Variants in ZNF337 observed in about 807,000 individuals in gnomAD.
The protein encoded by ZNF337 is zinc finger protein 337.
Under a neutral mutation model 12.1 loss-of-function variants are expected in ZNF337, and 8 were observed. The observed-to-expected ratio is 0.66, with a 90% CI of 0.39 to 1.19. ZNF337 has a LOEUF of 1.19. Among genes scored for constraint, ZNF337 ranks in the 50% most tolerant of loss-of-function variants. ZNF337 has a pLI of 0.01. For missense variants in ZNF337, 882 were observed against 896.6 expected, an observed-to-expected ratio of 0.98 and a Z score of 0.21; for synonymous variants, 336 against 320.0, an observed-to-expected ratio of 1.05 and a Z score of -0.53.
intron 1 of ZNF337, among the ~76,000 whole-genome samples, chr20:25,693,246 T>G (rs1015822445): frequency 6.6e-6 from 1 of 152,086 alleles, no homozygotes; most frequent in Non-Finnish European, 1.5e-5. Context: ...CTGGCTAATT[T>G]CTGTATTTTT....
chr20:25,684,348 T>TATA (rs1367506435), intron 4 of ZNF337, among the ~76,000 whole-genome samples: 1 of 151,322 alleles, frequency 6.6e-6, no homozygotes, highest in African/African-American at 2.4e-5. Flanking sequence ...AAACTTAAAG[T>TATA]ATAATAATAA....
intron 1 of ZNF337, among the ~76,000 whole-genome samples, chr20:25,691,366 A>G (rs1045527062): frequency 1.3e-5 from 2 of 152,224 alleles, no homozygotes; most frequent in South Asian, 4.1e-4. Context: ...ATGCTGATAG[A>G]TTACTGAAGA....
At position 25,675,179 on chromosome 20, in the gene ZNF337, A is replaced by C. The variant is rs751672035; in HGVS notation, c.2109T>G (p.His703Gln). The C allele has an allele frequency of 1.8e-5, 29 of 1,614,214 alleles. No individual in the cohort carries two copies. Among genetic ancestry groups the C allele is most frequent in the Non-Finnish European group, 2.5e-5 (29 of 1,180,042 alleles). ...GYTSKSDLTV[H>Q]ERIHTGERPY... is the part of the protein sequence containing the mutation. Reference sequence around the variant, plus strand: ...GCCTCTCTCCTGTGTGTATTCTTTCATGCACAGTGAGGTCTGACTTACTGG... The same window carrying C: ...GCCTCTCTCCTGTGTGTATTCTTTCCTGCACAGTGAGGTCTGACTTACTGG... Residue 703 changes from histidine to glutamine, a missense_variant, in exon 5 of 5, where the codon CAT (histidine) becomes CAG (glutamine). Coordinates refer to ENST00000252979, the MANE Select transcript of ZNF337 (RefSeq NM_015655.4).
chr20:25,687,784 T>G (rs978702904), intron 1 of ZNF337, among the ~76,000 whole-genome samples: 11 of 152,254 alleles, frequency 7.2e-5, no homozygotes, highest in Non-Finnish European at 1.5e-4. Context: ...GAGTGTGAGA[T>G]GAATGCATAA....
At position 25,676,263 on chromosome 20, in the gene ZNF337, T is replaced by C; in HGVS notation, c.1025A>G (p.His342Arg). 6.2e-7 allele frequency: 1 copy of C among 1,614,006 alleles called. No individual in the cohort carries two copies. Among genetic ancestry groups the C allele is most frequent in the Non-Finnish European group, 8.5e-7 (1 of 1,180,006 alleles). Residue 342 changes from histidine to arginine, a missense_variant, in exon 5 of 5, where the codon CAC becomes CGC. His to Arg is a conservative substitution (Grantham distance 29). Coordinates refer to ENST00000252979, the MANE Select transcript of ZNF337 (RefSeq NM_015655.4). ...GCATCTGTAAGGCTTCTCTCCTGAG[T>C]GTATTCTCTTGTGCACAACGAAGTA... is the stretch of plus-strand genomic sequence containing the variant. ...KSYFVVHKRIHSGEKPYRCQE... is the reference protein window; with the variant it reads ...KSYFVVHKRIRSGEKPYRCQE...
At chr20:25,678,319 A>G (rs2065729847) in intron 4 of ZNF337, among the ~76,000 whole-genome samples, 1 of 152,178 alleles carries the variant, frequency 6.6e-6, no homozygotes, top group South Asian at 2.1e-4. Flanking sequence ...TGAATAAACA[A>G]CCCCAAATTA....
At chr20:25,687,421 G>C (rs2065844355) in intron 1 of ZNF337, among the ~76,000 whole-genome samples, 1 of 152,132 alleles carries the variant, frequency 6.6e-6, no homozygotes, top group Non-Finnish European at 1.5e-5. Flanking sequence ...ACTTTTAAGT[G>C]AATGTTTTGA....
intron 1 of ZNF337, among the ~76,000 whole-genome samples, chr20:25,687,125 T>C (rs529220271): frequency 1.3e-5 from 2 of 152,376 alleles, no homozygotes; most frequent in East Asian, 1.9e-4. Context: ...TTTGTTGTTA[T>C]AAAAGTATTT....
chr20:25,682,976 A>G (rs942025177), intron 4 of ZNF337, among the ~76,000 whole-genome samples: 2 of 152,232 alleles, frequency 1.3e-5, no homozygotes, highest in African/African-American at 4.8e-5. Context: ...CTGTCCACAC[A>G]TTCTCCAAAT....
At chr20:25,683,186 C>T (rs1196182309) in intron 4 of ZNF337, among the ~76,000 whole-genome samples, 1 of 152,036 alleles carries the variant, frequency 6.6e-6, no homozygotes, top group Non-Finnish European at 1.5e-5. Flanking sequence ...TAACTGTGAA[C>T]TAAAACTGCT....
chr20:25,679,118 G>A lies in ZNF337; in HGVS notation c.251-2081C>T, dbSNP rs371792952. ...TTAGAAAAAGTGAATTCCAAAATGA[G>A]TAAGAATGAAGTTAGATGTTTGTTT... On this transcript the variant is annotated intron_variant, in intron 4 of 4. Coordinates refer to ENST00000252979, the MANE Select transcript of ZNF337 (RefSeq NM_015655.4). Among the ~76,000 whole-genome samples, 3 of 152,278 alleles carry A rather than the reference G, an allele frequency of 2.0e-5. No individual in the cohort carries two copies. The South Asian group carries it at 6.2e-4, about 32-fold the overall frequency.
Position 25,676,278 on chromosome 20 carries a change from A to C in ZNF337, c.1010T>G (p.Val337Gly), listed in dbSNP as rs764440181. 6.2e-7 allele frequency: 1 copy of C among 1,610,910 alleles called. No individual in the cohort carries two copies. Among genetic ancestry groups the C allele is most frequent in the South Asian group, 1.1e-5 (1 of 90,936 alleles). The change falls in exon 5 of 5, where the codon GTG becomes GGG. Residue 337 changes from valine to glycine, a missense_variant. By Grantham distance (109) the Val-to-Gly change is moderately radical. Coordinates refer to ENST00000252979, the MANE Select transcript of ZNF337 (RefSeq NM_015655.4). ...RGYTNKSYFV[V>G]HKRIHSGEKP... ...CTCTCCTGAGTGTATTCTCTTGTGCACAACGAAGTATGACTTATTAGTATA... is the reference window on the plus strand; with the variant it reads ...CTCTCCTGAGTGTATTCTCTTGTGCCCAACGAAGTATGACTTATTAGTATA...
rs2065695282 is a variant in ZNF337, at chr20:25,676,535, G to A, written c.753C>T (p.Leu251=). The change falls in exon 5 of 5, where the codon CTC becomes CTT. Residue 251 remains leucine (L), a synonymous_variant. Coordinates refer to ENST00000252979, the MANE Select transcript of ZNF337 (RefSeq NM_015655.4). ...CGRGFSLKAN[L]LRHQRTHSGE... ...CTGAGTGTGTCCTCTGGTGTCTGAG[G>A]AGGTTGGCCTTGAGGCTGAAGCCTC... 4 of 1,614,098 alleles carry A rather than the reference G, an allele frequency of 2.5e-6. No individual in the cohort carries two copies. Among genetic ancestry groups the A allele is most frequent in the South Asian group, 1.1e-5 (1 of 91,074 alleles).
In ZNF337 at chr20:25,696,729, CAG is replaced by C. The variant is rs996007063; in HGVS notation, c.-50+28_-50+29del. ...CTTCCTGCGCCGGAAGGGCGCGCTG[CAG>C]AGAGGGACCCGCAGGAGCGCAGCTC... On this transcript the variant is annotated intron_variant, in intron 1 of 4. Coordinates refer to ENST00000252979, the MANE Select transcript of ZNF337 (RefSeq NM_015655.4). 18 of 985,270 alleles carry C rather than the reference CAG, an allele frequency of 1.8e-5. No homozygotes were observed. The African/African-American group carries it at 3.0e-4, about 16-fold the overall frequency. The allele number at this position is 985,270 out of a possible 1,614,324, so 61.0% of individuals were successfully genotyped here. A position where few individuals can be genotyped will look rare whatever the true frequency, so the allele number is the denominator to read the frequency against.
chr20:25,694,643 C>G (rs939189779), intron 1 of ZNF337, among the ~76,000 whole-genome samples: 1 of 152,060 alleles, frequency 6.6e-6, no homozygotes, highest in African/African-American at 2.4e-5. Context: ...CTAAATTCAC[C>G]TTTTTTCCCT....
intron 1 of ZNF337, among the ~76,000 whole-genome samples, chr20:25,696,089 C>CT (rs2065924438): frequency 1.9e-5 from 1 of 51,634 alleles, no homozygotes; most frequent in East Asian, 1.0e-3. Flanking sequence ...CACGCAGATC[C>CT]CCCCCCCCCC....
intron 1 of ZNF337, among the ~76,000 whole-genome samples, chr20:25,694,921 G>A (rs1344737748): frequency 1.3e-5 from 2 of 152,202 alleles, no homozygotes; most frequent in African/African-American, 4.8e-5. Flanking sequence ...CATCTGCAGC[G>A]AATCTCCATT....
Position 25,674,706 on chromosome 20 carries a change from C to T in ZNF337, c.*326G>A, listed in dbSNP as rs1030682970. ...GGCCTGCCTTGGTATCCCTGCTCTG[C>T]AGTCACTGGCTAAGAGCAGTCCTTA... is the stretch of plus-strand genomic sequence containing the variant. On this transcript the variant is annotated 3_prime_UTR_variant, in exon 5 of 5. Transcript: ENST00000252979. 9 of 304,322 alleles carry T rather than the reference C, an allele frequency of 3.0e-5. No homozygotes were observed. Among genetic ancestry groups the T allele is most frequent in the Non-Finnish European group, 4.3e-5 (7 of 163,386 alleles). 18.9% of individuals were successfully genotyped at this position (304,322 alleles called of 1,614,324 possible).
rs779037685 is a variant in ZNF337 at position 25,676,101 on chromosome 20, C to G, written c.1187G>C (p.Arg396Thr). 11 of 1,610,214 alleles carry G rather than the reference C, an allele frequency of 6.8e-6. No individual in the cohort carries two copies. Among genetic ancestry groups the G allele is most frequent in the Non-Finnish European group, 7.6e-6 (9 of 1,178,960 alleles). Residue 396 changes from arginine to threonine, a missense_variant, in exon 5 of 5, where the codon AGA becomes ACA. Physicochemically the swap from Arg to Thr is moderately conservative, Grantham distance 71. Coordinates refer to ENST00000252979, the MANE Select transcript of ZNF337 (RefSeq NM_015655.4). ...SVKGSLLRHQ[R>T]THSGEKPFVC... ...AAAAGGCTTCTCCCCTGAGTGTGTTCTCTGGTGTCTGAGGAGACTTCCTTT... is the reference window on the plus strand; with the variant it reads ...AAAAGGCTTCTCCCCTGAGTGTGTTGTCTGGTGTCTGAGGAGACTTCCTTT...
Sources: gnomAD v4.1 joint callset for allele counts (sites outside exome capture counted in the v4.1 genomes callset) on GRCh38, gnomAD v4.1.1 for gene constraint, MANE v1.5 for transcripts, NCBI Gene and HGNC (gene_info 2026-07-23, HGNC 2026-07-21) for gene names.